The following LRRC4C variants were observed in gnomAD, a reference collection of about 807,000 sequenced individuals.
LRRC4C encodes the protein leucine rich repeat containing 4C.
In LRRC4C, 5 loss-of-function variants were observed where a neutral mutation model predicts 33.6. That is an observed-to-expected ratio of 0.15 (90% confidence interval 0.08 to 0.31). The LOEUF (loss-of-function observed/expected upper bound fraction) is 0.31, where lower values mean the gene tolerates loss of function less well. Ranked by LOEUF, LRRC4C falls within the 10% of genes least tolerant of loss-of-function variation. The pLI is 1.00. For synonymous variants in LRRC4C, 329 were observed against 302.0 expected, an observed-to-expected ratio of 1.09 and a Z score of -0.93; for missense variants, 560 against 796.7, an observed-to-expected ratio of 0.70 and a Z score of 3.58.
intron 1 of LRRC4C, among the ~76,000 whole-genome samples, chr11:41,093,133 A>G (rs1282442532): frequency 6.6e-6 from 1 of 152,202 alleles, no homozygotes; most frequent in Non-Finnish European, 1.5e-5. Flanking sequence ...ATAGTATGTA[A>G]TCAGCTCCAC....
At chr11:41,365,848 G>A (rs1237413352) in intron 1 of LRRC4C, among the ~76,000 whole-genome samples, 1 of 152,140 alleles carries the variant, frequency 6.6e-6, no homozygotes, top group African/African-American at 2.4e-5. Flanking sequence ...TTGGACTCAA[G>A]AACAAGGCAA....
At chr11:40,451,604 C>T (rs867009770) in intron 3 of LRRC4C, among the ~76,000 whole-genome samples, 31 of 151,806 alleles carry the variant, frequency 2.0e-4, no homozygotes, top group Middle Eastern at 6.8e-3. Flanking sequence ...CCAGGCTGGT[C>T]TCAAACTCCT....
chr11:41,406,014 T>G (rs1448961094), intron 1 of LRRC4C, among the ~76,000 whole-genome samples: 2 of 152,082 alleles, frequency 1.3e-5, no homozygotes, highest in Non-Finnish European at 2.9e-5. Flanking sequence ...GAAGGGAAAT[T>G]TAAGCTTCAT....
chr11:41,219,804 A>T (rs192823488), intron 1 of LRRC4C, among the ~76,000 whole-genome samples: 15 of 152,316 alleles, frequency 9.8e-5, no homozygotes, highest in Admixed American at 3.3e-4. Context: ...ATTCAGAAAA[A>T]GTAGAATGTT....
chr11:40,553,612 G>A (rs1467161590), intron 3 of LRRC4C, among the ~76,000 whole-genome samples: 1 of 152,108 alleles, frequency 6.6e-6, no homozygotes, highest in Non-Finnish European at 1.5e-5. Context: ...TTTAATGATA[G>A]CCATTCTGAC....
At chr11:40,159,313 G>A (rs896158117) in intron 5 of LRRC4C, among the ~76,000 whole-genome samples, 1 of 152,156 alleles carries the variant, frequency 6.6e-6, no homozygotes, top group Non-Finnish European at 1.5e-5. Flanking sequence ...GAAAGGAAAC[G>A]TCTGCAGAAA....
At chr11:41,029,948 A>G (rs1345840724) in intron 1 of LRRC4C, among the ~76,000 whole-genome samples, 2 of 151,742 alleles carry the variant, frequency 1.3e-5, no homozygotes, top group African/African-American at 2.4e-5. Flanking sequence ...AAGAAAGATA[A>G]CTCTTGGGAA....
At chr11:40,632,510 C>T (rs1458082522) in intron 3 of LRRC4C, among the ~76,000 whole-genome samples, 20 of 152,032 alleles carry the variant, frequency 1.3e-4, no homozygotes, top group Non-Finnish European at 7.4e-5. Flanking sequence ...TAACTCAAGC[C>T]GTGTAGAATG....
chr11:40,116,915 AC>A (rs1426684529), intron 6 of LRRC4C, among the ~76,000 whole-genome samples: 1 of 152,216 alleles, frequency 6.6e-6, no homozygotes, highest in Non-Finnish European at 1.5e-5. Flanking sequence ...GTAACAAAAG[AC>A]CACTAAACCA....
chr11:40,370,979 T>G (rs1013869966), intron 3 of LRRC4C, among the ~76,000 whole-genome samples: 1 of 152,174 alleles, frequency 6.6e-6, no homozygotes, highest in African/African-American at 2.4e-5. Context: ...TGAGTCATAT[T>G]TAATTGCCAC....
intron 1 of LRRC4C, among the ~76,000 whole-genome samples, chr11:41,054,269 A>C (rs1354718785): frequency 1.3e-5 from 2 of 152,180 alleles, no homozygotes; most frequent in Non-Finnish European, 2.9e-5. Flanking sequence ...ATAGTGTGGA[A>C]ATTCTCTGCA....
intron 4 of LRRC4C, among the ~76,000 whole-genome samples, chr11:40,316,451 G>A (rs1036321307): frequency 1.3e-5 from 2 of 151,926 alleles, no homozygotes; most frequent in Admixed American, 6.5e-5. Context: ...ATAATTCTCA[G>A]TCCCTCTACT....
At chr11:40,403,910 C>A (rs1949860680) in intron 3 of LRRC4C, among the ~76,000 whole-genome samples, 1 of 152,016 alleles carries the variant, frequency 6.6e-6, no homozygotes, top group Non-Finnish European at 1.5e-5. Flanking sequence ...AAGTCCAGTG[C>A]AATTTTTTCA....
intron 1 of LRRC4C, among the ~76,000 whole-genome samples, chr11:41,352,072 A>G (rs1034652183): frequency 6.6e-6 from 1 of 152,214 alleles, no homozygotes; most frequent in Non-Finnish European, 1.5e-5. Context: ...ATAGAGTGAC[A>G]AGTTGGATAA....
At chr11:40,433,181 A>G (rs1158446410) in intron 3 of LRRC4C, among the ~76,000 whole-genome samples, 1 of 152,172 alleles carries the variant, frequency 6.6e-6, no homozygotes, top group Non-Finnish European at 1.5e-5. Context: ...TAGGTTATAA[A>G]GTTAACTATA....
intron 2 of LRRC4C, among the ~76,000 whole-genome samples, chr11:40,661,069 A>G (rs1163600401): frequency 6.6e-6 from 1 of 152,174 alleles, no homozygotes; most frequent in Admixed American, 6.5e-5. Flanking sequence ...TAAACATACA[A>G]TAACGAATTG....
intron 1 of LRRC4C, among the ~76,000 whole-genome samples, chr11:41,340,926 A>C (rs1272126315): frequency 6.6e-6 from 1 of 152,264 alleles, no homozygotes; most frequent in Non-Finnish European, 1.5e-5. Flanking sequence ...GGATTCCAGA[A>C]GAAAGGCAAT....
intron 1 of LRRC4C, among the ~76,000 whole-genome samples, chr11:41,256,349 G>C (rs1198646401): frequency 2.2e-4 from 34 of 151,924 alleles, no homozygotes. Context: ...TTACTCTCCT[G>C]AACCTTATCC....
chr11:40,229,204 T>C (rs981557985), intron 5 of LRRC4C, among the ~76,000 whole-genome samples: 1 of 152,276 alleles, frequency 6.6e-6, no homozygotes, highest in Admixed American at 6.5e-5. Flanking sequence ...TCTGTAACTA[T>C]TGCAATATAC....
Sources: allele counts gnomAD v4.1 joint callset (sites outside exome capture counted in the v4.1 genomes callset), GRCh38; gene constraint gnomAD v4.1.1; transcripts MANE v1.5; gene names NCBI Gene and HGNC (gene_info 2026-07-23, HGNC 2026-07-21).